SYNE1: variants seen among roughly 807,000 people sequenced by gnomAD.
SYNE1 encodes the protein spectrin repeat containing nuclear envelope protein 1.
In SYNE1, 616 loss-of-function variants were observed where a neutral mutation model predicts 1,111.0. The observed-to-expected ratio is 0.55, with a 90% CI of 0.52 to 0.59. The LOEUF (loss-of-function observed/expected upper bound fraction) is 0.59, where lower values mean the gene tolerates loss of function less well. SYNE1 is among the 20% of genes least tolerant of loss of function. SYNE1 has a pLI of 0.00. For missense variants in SYNE1, 10,006 were observed against 10,417.0 expected (o/e 0.96, Z 1.72); for synonymous variants, 3,855 against 3,825.8 (o/e 1.01, Z -0.28).
chr6:152,234,297 TC>T (rs2083465869), intron 111 of SYNE1, among the ~76,000 whole-genome samples: 1 of 99,750 alleles, frequency 1.0e-5, no homozygotes, highest in African/African-American at 4.1e-5. Flanking sequence ...TCTTTTCTTT[TC>T]TTTTTTTCTT....
In SYNE1 at chr6:152,488,703, T is replaced by C. The variant is rs77525445; in HGVS notation, c.940-200A>G. On this transcript the variant is annotated intron_variant, in intron 11 of 145. Transcript: ENST00000367255. ...TAGAAAAGTATCTTAGTTATCTTAT[T>C]GAATAACGAAATTAACCAACTCCAT... Among the ~76,000 whole-genome samples the C allele has an allele frequency of 0.013, 1,959 of 149,932 alleles. 38 individuals carry two copies. The highest frequency in any genetic ancestry group is 0.045 in the African/African-American group (1,829 of 40,218).
At chr6:152,184,939 G>A (rs975374088) in intron 128 of SYNE1, among the ~76,000 whole-genome samples, 25 of 152,070 alleles carry the variant, frequency 1.6e-4, no homozygotes, top group African/African-American at 5.8e-4. Context: ...TATCAGCTTA[G>A]CACCTATTTA....
At chr6:152,167,596 G>T in intron 130 of SYNE1, 1 of 385,160 alleles carries the variant, frequency 2.6e-6, no homozygotes. Flanking sequence ...TCATATTAGG[G>T]ACTAAAACTT....
chr6:152,423,917 G>T (rs549356767), intron 39 of SYNE1, among the ~76,000 whole-genome samples: 1 of 152,142 alleles, frequency 6.6e-6, no homozygotes, highest in South Asian at 2.1e-4. Flanking sequence ...GAGAGGTCTC[G>T]CTTGACCACC....
rs2153836703 is a variant in SYNE1, at chr6:152,310,414, C to T, written c.17001G>A (p.Glu5667=). Residue 5667 remains glutamate (E), a synonymous_variant, in exon 89 of 146, where the codon GAG becomes GAA. Transcript: ENST00000367255. ...GGCTTACCTGCCGATGAGAGAGCTG[C>T]TCCTTGAGACTGAGACGTCCAACTT... is the stretch of plus-strand genomic sequence containing the variant. ...SPEVGRLSLK[E]QLSHRQHLLS... The T allele has an allele frequency of 5.0e-6, 8 of 1,614,194 alleles. No individual in the cohort carries two copies. In the East Asian group the frequency reaches 6.7e-5, roughly 13 times the overall value.
At chr6:152,487,260 T>C (rs2154299195) in intron 12 of SYNE1, among the ~76,000 whole-genome samples, 1 of 152,304 alleles carries the variant, frequency 6.6e-6, no homozygotes, top group African/African-American at 2.4e-5. Context: ...CCATGTGTTC[T>C]CATTGTTCAG....
intron 112 of SYNE1, among the ~76,000 whole-genome samples, chr6:152,233,525 G>C (rs1233129142): frequency 1.3e-5 from 2 of 151,986 alleles, no homozygotes; most frequent in African/African-American, 4.8e-5. Context: ...GGGTTTCACC[G>C]TGTTGCCCAG....
At chr6:152,214,222 G>C (rs1405729899) in intron 122 of SYNE1, among the ~76,000 whole-genome samples, 2 of 149,740 alleles carry the variant, frequency 1.3e-5, no homozygotes, top group Non-Finnish European at 3.0e-5. Flanking sequence ...AAGAAAGAAA[G>C]TTGAAAAAAT....
At chr6:152,530,171 C>T (rs928174145) in intron 4 of SYNE1, among the ~76,000 whole-genome samples, 6 of 152,190 alleles carry the variant, frequency 3.9e-5, no homozygotes, top group Non-Finnish European at 5.9e-5. Context: ...ATCTGAGCAC[C>T]GCAGGCCTGC....
At chr6:152,506,147 A>T (rs76984897) in intron 8 of SYNE1, among the ~76,000 whole-genome samples, 11,998 of 152,276 alleles carry the variant, frequency 0.079, 584 homozygotes, top group African/African-American at 0.12. Context: ...AAGAAACTGA[A>T]TCAAGTTGGT....
At chr6:152,446,940 T>C (rs2098597957) in intron 29 of SYNE1, among the ~76,000 whole-genome samples, 1 of 152,226 alleles carries the variant, frequency 6.6e-6, no homozygotes. Context: ...ATTTACTCTG[T>C]TTCAGGAACT....
rs2090040593 is a variant in SYNE1, at chr6:152,253,817, GGTT to G, written c.19470+1060_19470+1062del. 1.8e-3 allele frequency among the ~76,000 whole-genome samples: 105 copies of G among 59,136 alleles called. 11 individuals are homozygous for G. The highest frequency in any genetic ancestry group is 2.9e-3 in the East Asian group (4 of 1,380). 38.8% of individuals were successfully genotyped at this position (59,136 alleles called of 152,430 possible). On this transcript the variant is annotated intron_variant, in intron 104 of 145. Transcript: ENST00000367255. ...ATGCTACATTTATGTGTAGTGGTTTGGTTTTTTTTTTTTTTTTTTTTTTTTTTT... is the reference window on the plus strand; with the variant it reads ...ATGCTACATTTATGTGTAGTGGTTTGTTTTTTTTTTTTTTTTTTTTTTTTT...
intron 119 of SYNE1, 94 bp downstream of exon 119, chr6:152,220,748 T>A (rs939712265): frequency 1.5e-5 from 18 of 1,168,250 alleles, no homozygotes; most frequent in Non-Finnish European, 2.2e-5. Context: ...CTGTCTCACA[T>A]AGAAAGACAT....
chr6:152,386,559 T>A (rs2097529266), intron 54 of SYNE1, among the ~76,000 whole-genome samples: 1 of 152,138 alleles, frequency 6.6e-6, no homozygotes, highest in Non-Finnish European at 1.5e-5. Context: ...CAAAGAATAA[T>A]CATGAAGGAA....
At chr6:152,151,804 T>C in intron 134 of SYNE1, 114 bp from the exon 135 acceptor site, 1 of 1,508,330 alleles carries the variant, frequency 6.6e-7, no homozygotes, top group Non-Finnish European at 9.0e-7. Context: ...CAGCAAGCAA[T>C]GAGAAGCCTG....
chr6:152,141,402 T>C lies in SYNE1; in HGVS notation c.25120-73A>G, dbSNP rs182011401. On this transcript the variant is annotated intron_variant, in intron 138 of 145. Coordinates refer to ENST00000367255, the MANE Select transcript of SYNE1 (RefSeq NM_182961.4). ...TGCAAAAGCTTCCGGGGAAAATCTC[T>C]TTGTAATTTCTCAGCAAGAGAAGTG... 9.0e-5 allele frequency: 143 copies of C among 1,597,030 alleles called. 1 individual carries two copies. The highest frequency in any genetic ancestry group is 8.7e-4 in the Middle Eastern group (4 of 4,592).
At chr6:152,555,475 G>A (rs994009888) in intron 3 of SYNE1, among the ~76,000 whole-genome samples, 3 of 152,192 alleles carry the variant, frequency 2.0e-5, no homozygotes, top group Non-Finnish European at 2.9e-5. Flanking sequence ...TAGCCAAGGT[G>A]TGTAGTAGGC....
chr6:152,596,019 A>G (rs78182150), intron 3 of SYNE1, among the ~76,000 whole-genome samples: 3,210 of 146,666 alleles, frequency 0.022, 118 homozygotes, highest in African/African-American at 0.076. Flanking sequence ...GGCTCGAACC[A>G]AGGGGTTGAT....
At chr6:152,450,416 G>T (rs975372288) in intron 27 of SYNE1, among the ~76,000 whole-genome samples, 2 of 152,170 alleles carry the variant, frequency 1.3e-5, no homozygotes, top group African/African-American at 4.8e-5. Context: ...GGCCAACTTT[G>T]CCTCAAAGAG....
Sources: gnomAD v4.1 joint callset for allele counts (sites outside exome capture counted in the v4.1 genomes callset) on GRCh38, gnomAD v4.1.1 for gene constraint, MANE v1.5 for transcripts, NCBI Gene and HGNC (gene_info 2026-07-23, HGNC 2026-07-21) for gene names.